Variants in MMS19 observed in about 807,000 individuals in gnomAD.
The protein encoded by MMS19 is MMS19 nucleotide excision repair protein homolog.
In MMS19, 77 loss-of-function variants were observed where a neutral mutation model predicts 129.8. The observed-to-expected ratio is 0.59, with a 90% CI of 0.49 to 0.72. The LOEUF (loss-of-function observed/expected upper bound fraction) is 0.72, where lower values mean the gene tolerates loss of function less well. Among genes scored for constraint, MMS19 ranks in the 30% least tolerant of loss-of-function variants. The pLI is 0.00. For missense variants in MMS19, 1,168 were observed against 1,266.3 expected (o/e 0.92, Z 1.18); for synonymous variants, 491 against 502.8 (o/e 0.98, Z 0.31).
intron 1 of MMS19, among the ~76,000 whole-genome samples, chr10:97,493,100 C>T (rs1276922725): frequency 6.6e-6 from 1 of 151,898 alleles, no homozygotes; most frequent in Non-Finnish European, 1.5e-5. Flanking sequence ...TAACCTCTCC[C>T]TCCAGGGTTC....
At position 97,460,185 on chromosome 10, in the gene MMS19, A is replaced by G; in HGVS notation, c.2517T>C (p.Asp839=). ...SDPELGPAAA[D]GFSLLMSDCT... Reference sequence around the variant, plus strand: ...AGTCAGACATGAGCAGAGAGAAGCCATCAGCTGCTGCTGGACCTAATTCTG... The same window carrying G: ...AGTCAGACATGAGCAGAGAGAAGCCGTCAGCTGCTGCTGGACCTAATTCTG... Residue 839 remains aspartate, a synonymous_variant, in exon 26 of 31, where the codon GAT becomes GAC. Transcript: ENST00000438925. 1 of 1,614,022 alleles carries G rather than the reference A, an allele frequency of 6.2e-7. No homozygotes were observed. Among genetic ancestry groups the G allele is most frequent in the Non-Finnish European group, 8.5e-7 (1 of 1,179,882 alleles).
At chr10:97,466,477 CTCTA>C in intron 16 of MMS19, 23 bp downstream of exon 16, 1 of 1,552,300 alleles carries the variant, frequency 6.4e-7, no homozygotes, top group South Asian at 1.1e-5. Context: ...GAACAGCTTG[CTCTA>C]TCTCATTGCT....
intron 1 of MMS19, among the ~76,000 whole-genome samples, chr10:97,484,788 G>T (rs2037521326): frequency 6.6e-6 from 1 of 152,126 alleles, no homozygotes; most frequent in Non-Finnish European, 1.5e-5. Flanking sequence ...GTGGTGGCAT[G>T]TGCCTGTGGT....
At chr10:97,464,126 C>T in intron 18 of MMS19, 113 bp from the exon 19 acceptor site, 1 of 970,026 alleles carries the variant, frequency 1.0e-6, no homozygotes, top group Non-Finnish European at 1.5e-6. Flanking sequence ...ACCAAGAGTG[C>T]CTTATTAAAA....
At chr10:97,496,010 G>A (rs1177615536) in intron 1 of MMS19, among the ~76,000 whole-genome samples, 1 of 152,088 alleles carries the variant, frequency 6.6e-6, no homozygotes, top group Non-Finnish European at 1.5e-5. Context: ...CAAACTCCTG[G>A]GCTCAAGCAA....
Position 97,483,968 on chromosome 10 carries a change from G to T in MMS19, c.161+135C>A. The T allele has an allele frequency of 1.2e-5, 7 of 607,322 alleles. No individual in the cohort carries two copies. In the Middle Eastern group the frequency reaches 1.8e-3, roughly 157 times the overall value. 37.6% of individuals were successfully genotyped at this position (607,322 alleles called of 1,614,324 possible). A position where few individuals can be genotyped will look rare whatever the true frequency, so the allele number is the denominator to read the frequency against. On this transcript the variant is annotated intron_variant, in intron 2 of 30. Transcript: ENST00000438925. ...CAATTCAAACATATAGGCTTAGACTGAGGTACTAATATGGAAGGGGGCTGC... is the reference window on the plus strand; with the variant it reads ...CAATTCAAACATATAGGCTTAGACTTAGGTACTAATATGGAAGGGGGCTGC...
At chr10:97,481,887 G>A (rs2036864666) in intron 2 of MMS19, among the ~76,000 whole-genome samples, 1 of 152,208 alleles carries the variant, frequency 6.6e-6, no homozygotes, top group Non-Finnish European at 1.5e-5. Flanking sequence ...GTAGAAAACT[G>A]TGCATTCAGG....
chr10:97,496,706 G>A (rs1184469685), intron 1 of MMS19, among the ~76,000 whole-genome samples: 6 of 152,060 alleles, frequency 3.9e-5, no homozygotes, highest in South Asian at 2.1e-4. Flanking sequence ...CTATATCTTC[G>A]TAGGGGGTTG....
chr10:97,494,547 G>A (rs1160115489), intron 1 of MMS19, among the ~76,000 whole-genome samples: 1 of 152,146 alleles, frequency 6.6e-6, no homozygotes, highest in Non-Finnish European at 1.5e-5. Flanking sequence ...GTATTTTACT[G>A]TTCTTTAATA....
chr10:97,466,412 A>G, intron 16 of MMS19, 92 bp downstream of exon 16: 1 of 1,062,300 alleles, frequency 9.4e-7, no homozygotes, highest in South Asian at 1.3e-5. Flanking sequence ...GCCAAGGGTC[A>G]GAAGCACAGA....
intron 1 of MMS19, among the ~76,000 whole-genome samples, chr10:97,495,654 TACA>T (rs1351517808): frequency 2.6e-5 from 4 of 152,276 alleles, no homozygotes; most frequent in Admixed American, 2.0e-4. Flanking sequence ...CTCAAGGATC[TACA>T]ACAACTCTTA....
chr10:97,477,524 G>C (rs2035981392), intron 5 of MMS19, 108 bp from the exon 6 acceptor site: 1 of 1,426,542 alleles, frequency 7.0e-7, no homozygotes, highest in Admixed American at 1.9e-5. Context: ...CTTTATACCA[G>C]CATAAGATCA....
chr10:97,469,074 C>T lies in MMS19; in HGVS notation c.955G>A (p.Ala319Thr). The T allele has an allele frequency of 6.3e-7, 1 of 1,581,328 alleles. No individual in the cohort carries two copies. Among genetic ancestry groups the T allele is most frequent in the Non-Finnish European group, 8.6e-7 (1 of 1,165,862 alleles). ...GAGTGGAGGGCCGCCAGGCCCTCTGCCTCCACCCGCTCACTTGCCGTCTGG... is the reference window on the plus strand; with the variant it reads ...GAGTGGAGGGCCGCCAGGCCCTCTGTCTCCACCCGCTCACTTGCCGTCTGG... ...VFQTASERVE[A>T]EGLAALHSLT... The change falls in exon 12 of 31, where the codon GCA becomes ACA. Residue 319 changes from alanine (A) to threonine (T), a missense_variant. Coordinates refer to ENST00000438925, the MANE Select transcript of MMS19 (RefSeq NM_022362.5).
chr10:97,481,486 A>C (rs1014375479), intron 2 of MMS19, among the ~76,000 whole-genome samples: 12 of 152,184 alleles, frequency 7.9e-5, no homozygotes, highest in Non-Finnish European at 1.6e-4. Context: ...AATTAATGCT[A>C]AGGAAAAAAA....
intron 26 of MMS19, 148 bp downstream of exon 26, chr10:97,459,898 A>T: frequency 9.9e-7 from 1 of 1,013,416 alleles, no homozygotes; most frequent in South Asian, 1.6e-5. Flanking sequence ...GAAAGGAAGA[A>T]GTGGGACAAG....
At chr10:97,482,298 C>T (rs2036942551) in intron 2 of MMS19, among the ~76,000 whole-genome samples, 1 of 152,124 alleles carries the variant, frequency 6.6e-6, no homozygotes, top group Admixed American at 6.5e-5. Context: ...GATGTCCGTC[C>T]ACTGATAAAT....
chr10:97,477,275 T>C, intron 6 of MMS19, 72 bp downstream of exon 6: 1 of 1,612,124 alleles, frequency 6.2e-7, no homozygotes, highest in Non-Finnish European at 8.5e-7. Flanking sequence ...CCAGGTAAAA[T>C]GAGTCCTACT....
chr10:97,498,249 G>A, intron 1 of MMS19, 24 bp downstream of exon 1: 2 of 1,533,146 alleles, frequency 1.3e-6, no homozygotes, highest in East Asian at 2.4e-5. Flanking sequence ...CCATGCGGAA[G>A]GCGCGCGGCG....
At chr10:97,460,525 T>C (rs1320418281) in intron 25 of MMS19, among the ~76,000 whole-genome samples, 170 bp downstream of exon 25, 1 of 152,136 alleles carries the variant, frequency 6.6e-6, no homozygotes, top group Non-Finnish European at 1.5e-5. Context: ...TGAGCTGTGA[T>C]TGCACTACTG....
Sources: allele counts gnomAD v4.1 joint callset (sites outside exome capture counted in the v4.1 genomes callset), GRCh38; gene constraint gnomAD v4.1.1; transcripts MANE v1.5; gene names NCBI Gene and HGNC (gene_info 2026-07-23, HGNC 2026-07-21).